ZNF423: variants seen among roughly 807,000 people sequenced by gnomAD.
The protein encoded by ZNF423 is zinc finger protein 423.
ZNF423 carries 12 observed loss-of-function variants against 95.8 expected under a neutral mutation model. That is an observed-to-expected ratio of 0.13 (90% CI 0.08 to 0.20). The LOEUF is 0.20. ZNF423 is among the 10% of genes least tolerant of loss of function. The pLI, the probability that ZNF423 is intolerant of heterozygous loss-of-function variation, is 1.00. For synonymous variants in ZNF423, 749 were observed against 711.9 expected (o/e 1.05, Z -0.83); for missense variants, 1,316 against 1,737.1 (o/e 0.76, Z 4.31).
chr16:49,602,757 G>A (rs1971417282), intron 5 of ZNF423, among the ~76,000 whole-genome samples: 1 of 152,192 alleles, frequency 6.6e-6, no homozygotes, highest in Non-Finnish European at 1.5e-5. Flanking sequence ...TCCGGCAGGG[G>A]TGAGTGTTCC....
intron 5 of ZNF423, among the ~76,000 whole-genome samples, chr16:49,599,790 G>A (rs1403248506): frequency 6.6e-6 from 1 of 152,196 alleles, no homozygotes; most frequent in Non-Finnish European, 1.5e-5. Flanking sequence ...CAACAGAAAT[G>A]ACACTCAGAA....
intron 2 of ZNF423, 51 bp downstream of exon 2, chr16:49,789,436 G>T: frequency 1.3e-6 from 2 of 1,569,912 alleles, no homozygotes; most frequent in Non-Finnish European, 8.6e-7. Context: ...GAGTTCCTGG[G>T]CCAGCCCCCA....
chr16:49,569,536 C>T (rs1057438282), intron 5 of ZNF423, among the ~76,000 whole-genome samples: 1 of 152,138 alleles, frequency 6.6e-6, no homozygotes, highest in Non-Finnish European at 1.5e-5. Flanking sequence ...AGCTAGATTA[C>T]TTTAAGAGCC....
At chr16:49,598,921 A>T (rs1027180059) in intron 5 of ZNF423, among the ~76,000 whole-genome samples, 1 of 152,222 alleles carries the variant, frequency 6.6e-6, no homozygotes, top group Non-Finnish European at 1.5e-5. Context: ...TCAAAACTGG[A>T]TGCTCAACTT....
At chr16:49,853,853 G>C in intron 1 of ZNF423, 2 of 985,316 alleles carry the variant, frequency 2.0e-6, no homozygotes, top group Non-Finnish European at 2.4e-6. Flanking sequence ...AACGTAAGGA[G>C]GTTTGGAGAA....
chr16:49,823,399 C>T (rs2034969254), intron 1 of ZNF423, among the ~76,000 whole-genome samples: 1 of 152,182 alleles, frequency 6.6e-6, no homozygotes, highest in East Asian at 1.9e-4. Context: ...CAGAAAAAAA[C>T]GAGTGTTAAT....
intron 5 of ZNF423, among the ~76,000 whole-genome samples, chr16:49,560,847 C>G (rs1216119348): frequency 6.6e-6 from 1 of 152,164 alleles, no homozygotes; most frequent in African/African-American, 2.4e-5. Flanking sequence ...GGATTCTCCC[C>G]CTCCTTCTTC....
At chr16:49,834,485 C>A (rs568540361) in intron 1 of ZNF423, among the ~76,000 whole-genome samples, 81 of 152,338 alleles carry the variant, frequency 5.3e-4, no homozygotes, top group Non-Finnish European at 1.1e-3. Flanking sequence ...GCCTCTCCAG[C>A]AGAGATTTAG....
rs755810958 is a variant in ZNF423, at chr16:49,626,069, T to C, written c.3601+101A>G. On this transcript the variant is annotated intron_variant, in intron 5 of 7. Transcript: ENST00000563137. ...ATGTCTCAGAAACAGCAGCAGTGAC[T>C]CTGTCCTTTGGCCTAAAAGCCAGTA... 222 of 1,153,598 alleles carry C rather than the reference T, an allele frequency of 1.9e-4. 1 individual carries two copies. Among genetic ancestry groups the C allele is most frequent in the Middle Eastern group, 4.0e-4 (2 of 5,010 alleles). 71.5% of individuals were successfully genotyped at this position (1,153,598 alleles called of 1,614,324 possible).
chr16:49,643,687 A>AAC (rs922738654), intron 3 of ZNF423, among the ~76,000 whole-genome samples: 2 of 151,988 alleles, frequency 1.3e-5, no homozygotes, highest in African/African-American at 2.4e-5. Context: ...GAGTTAAAAA[A>AAC]ACACACACAC....
At chr16:49,517,136 T>A (rs1431290989) in intron 7 of ZNF423, among the ~76,000 whole-genome samples, 1 of 152,182 alleles carries the variant, frequency 6.6e-6, no homozygotes, top group Non-Finnish European at 1.5e-5. Context: ...TGTAGCTGCC[T>A]TATTTAAGTG....
chr16:49,569,768 A>G (rs113509702), intron 5 of ZNF423, among the ~76,000 whole-genome samples: 116 of 152,368 alleles, frequency 7.6e-4, no homozygotes, highest in African/African-American at 2.6e-3. Context: ...GCCATTCTTT[A>G]AATAAATGAA....
upstream of ZNF423, among the ~76,000 whole-genome samples, chr16:49,857,235 G>C (rs2035380949): frequency 6.7e-6 from 1 of 150,298 alleles, no homozygotes; most frequent in Non-Finnish European, 1.5e-5. This position sits in a 1 kb window ranked among gnomAD's most constrained non-coding sequence, Gnocchi z 6.2. Context: ...GACGGAGAGA[G>C]GGCCAACAGC....
At chr16:49,810,108 A>C (rs563905964) in intron 1 of ZNF423, among the ~76,000 whole-genome samples, 78 of 152,138 alleles carry the variant, frequency 5.1e-4, no homozygotes, top group Middle Eastern at 3.4e-3. Context: ...ACACAGGGAG[A>C]GGCCCCAGAG....
At chr16:49,534,835 A>T (rs59887410) in intron 5 of ZNF423, among the ~76,000 whole-genome samples, 49,436 of 151,104 alleles carry the variant, frequency 0.33, 8,428 homozygotes, top group East Asian at 0.41. Context: ...CCTCCACACC[A>T]CTCCCATATT....
chr16:49,741,835 C>G (rs1018025142), intron 2 of ZNF423, among the ~76,000 whole-genome samples: 6 of 152,244 alleles, frequency 3.9e-5, no homozygotes, highest in African/African-American at 1.4e-4. Flanking sequence ...TGTGCAAGAC[C>G]TTGGTTGCTT....
chr16:49,803,732 C>T (rs1020710807), intron 1 of ZNF423, among the ~76,000 whole-genome samples: 5 of 151,994 alleles, frequency 3.3e-5, no homozygotes, highest in Admixed American at 6.6e-5. Flanking sequence ...GAACAAACTA[C>T]GGTATGCTGG....
chr16:49,737,615 A>G (rs2033317920), intron 2 of ZNF423, among the ~76,000 whole-genome samples: 1 of 152,236 alleles, frequency 6.6e-6, no homozygotes, highest in Non-Finnish European at 1.5e-5. Context: ...CTGCAAAATC[A>G]CGGGGCAGGG....
At chr16:49,736,857 C>T (rs1394675430) in intron 2 of ZNF423, among the ~76,000 whole-genome samples, 1 of 152,216 alleles carries the variant, frequency 6.6e-6, no homozygotes, top group African/African-American at 2.4e-5. Flanking sequence ...AAAGGGCTTG[C>T]ATTCAAGATG....
Sources: allele counts gnomAD v4.1 joint callset (sites outside exome capture counted in the v4.1 genomes callset), GRCh38; gene constraint gnomAD v4.1.1; non-coding constraint Gnocchi (gnomAD v3.1); transcripts MANE v1.5; gene names NCBI Gene and HGNC (gene_info 2026-07-23, HGNC 2026-07-21).